Variants in ZC3H12B observed in about 807,000 individuals in gnomAD.
ZC3H12B encodes the protein zinc finger CCCH-type containing 12B.
ZC3H12B carries 7 observed loss-of-function variants against 43.9 expected under a neutral mutation model. The observed-to-expected ratio is 0.16, with a 90% CI of 0.09 to 0.30. The LOEUF (loss-of-function observed/expected upper bound fraction) is 0.30, where lower values mean the gene tolerates loss of function less well. Among genes scored for constraint, ZC3H12B ranks in the 10% least tolerant of loss-of-function variants. The probability of loss-of-function intolerance (pLI) is 1.00; values close to 1 mark genes in which losing one functional copy is unlikely to be tolerated. For synonymous variants in ZC3H12B, 222 were observed against 241.7 expected (o/e 0.92, Z 0.76); for missense variants, 475 against 670.2 (o/e 0.71, Z 3.22).
At chrX:65,225,613 GT>G in the ZC3H12B span, among the ~76,000 whole-genome samples, 1 of 112,013 alleles carries the variant, frequency 8.9e-6, no homozygotes, top group Admixed American at 9.4e-5. Context: ...AGGCAAAGAA[GT>G]TAAAAACTTT....
chrX:65,234,888 C>T, the ZC3H12B span, among the ~76,000 whole-genome samples: 1 of 111,495 alleles, frequency 9.0e-6, no homozygotes, highest in East Asian at 2.8e-4. Flanking sequence ...GTCTTGTTTC[C>T]TCCCTATGTG....
chrX:65,365,505 C>A (rs1462018368), upstream of ZC3H12B, among the ~76,000 whole-genome samples: 5 of 111,169 alleles, frequency 4.5e-5, no homozygotes, highest in African/African-American at 9.8e-5. Flanking sequence ...AGTTTAATAT[C>A]TCCCATTGTA....
the ZC3H12B span, among the ~76,000 whole-genome samples, chrX:65,166,787 G>C: frequency 8.9e-6 from 1 of 112,028 alleles, no homozygotes; most frequent in Non-Finnish European, 1.9e-5. Flanking sequence ...GCATTTCTCT[G>C]ATGGCCAGTG....
At chrX:65,467,868 G>A (rs2067846815) in intron 3 of ZC3H12B, among the ~76,000 whole-genome samples, 1 of 112,073 alleles carries the variant, frequency 8.9e-6, no homozygotes, top group Non-Finnish European at 1.9e-5. Flanking sequence ...GTCTTTGTCA[G>A]ATGAATAGTT....
chrX:65,149,764 AAATAATAATAATAATAATAAT>A, the ZC3H12B span, among the ~76,000 whole-genome samples: 74 of 85,281 alleles, frequency 8.7e-4, no homozygotes, highest in African/African-American at 2.1e-3. Flanking sequence ...ACTTAATCTC[AAATAATAATAATAATAATAAT>A]AATAATAATA....
the ZC3H12B span, among the ~76,000 whole-genome samples, chrX:65,301,719 G>A: frequency 9.0e-6 from 1 of 110,985 alleles, no homozygotes; most frequent in Non-Finnish European, 1.9e-5. Flanking sequence ...AAGGTGGGAT[G>A]GGTGGGGGAA....
At chrX:65,487,867 T>TTTTC (rs781720417), upstream of ZC3H12B, among the ~76,000 whole-genome samples, 2 of 111,612 alleles carry the variant, frequency 1.8e-5, no homozygotes, top group Non-Finnish European at 3.8e-5. Context: ...GAGCATGTGC[T>TTTTC]TTTCTTTCTT....
At chrX:65,346,479 G>T in the ZC3H12B span, among the ~76,000 whole-genome samples, 3 of 111,236 alleles carry the variant, frequency 2.7e-5, no homozygotes, top group East Asian at 8.4e-4. Context: ...AGTAACTCAA[G>T]ATGATTCAAA....
chrX:65,204,939 A>G, the ZC3H12B span, among the ~76,000 whole-genome samples: 1 of 111,722 alleles, frequency 9.0e-6, no homozygotes, highest in African/African-American at 3.2e-5. Context: ...GCAAGATCTT[A>G]TTTTTAAGAC....
At chrX:65,386,224 C>T (rs1395770068) in intron 2 of ZC3H12B, among the ~76,000 whole-genome samples, 2 of 111,663 alleles carry the variant, frequency 1.8e-5, no homozygotes, top group Non-Finnish European at 3.8e-5. Context: ...AGGAATGGTA[C>T]CAGCTCCTCT....
At chrX:65,224,314 G>T in the ZC3H12B span, among the ~76,000 whole-genome samples, 1 of 112,665 alleles carries the variant, frequency 8.9e-6, no homozygotes, top group Admixed American at 9.4e-5. Flanking sequence ...TGAAGATAGG[G>T]ATAAAAAACT....
At chrX:65,282,654 C>G in the ZC3H12B span, among the ~76,000 whole-genome samples, 53 of 110,877 alleles carry the variant, frequency 4.8e-4, no homozygotes, top group African/African-American at 1.6e-3. Flanking sequence ...ACCACCGATC[C>G]CAGAGAAATA....
chrX:65,429,571 G>A (rs924362619), intron 3 of ZC3H12B, among the ~76,000 whole-genome samples: 2 of 112,505 alleles, frequency 1.8e-5, no homozygotes, highest in African/African-American at 6.5e-5. Flanking sequence ...AGGGGGTGGG[G>A]GGCTTTCTCA....
chrX:65,267,567 C>T, the ZC3H12B span, among the ~76,000 whole-genome samples: 1 of 111,128 alleles, frequency 9.0e-6, no homozygotes, highest in African/African-American at 3.3e-5. Context: ...AAAATTAAAT[C>T]ATCTGTGCTA....
the ZC3H12B span, among the ~76,000 whole-genome samples, chrX:65,319,271 A>T: frequency 8.9e-6 from 1 of 111,914 alleles, no homozygotes; most frequent in South Asian, 3.7e-4. Flanking sequence ...AAAAATACAA[A>T]AAATTATCAG....
At chrX:65,343,909 T>A in the ZC3H12B span, among the ~76,000 whole-genome samples, 27 of 112,158 alleles carry the variant, frequency 2.4e-4, no homozygotes, top group Admixed American at 2.4e-3. Context: ...ATGATATGGT[T>A]ATACATCTAC....
intron 3 of ZC3H12B, among the ~76,000 whole-genome samples, chrX:65,446,363 G>T (rs2067376422): frequency 8.9e-6 from 1 of 111,898 alleles, no homozygotes; most frequent in South Asian, 3.7e-4. Flanking sequence ...GTGTCTTACT[G>T]GGTCACATGC....
intron 2 of ZC3H12B, among the ~76,000 whole-genome samples, chrX:65,374,976 C>T: frequency 9.0e-6 from 1 of 111,340 alleles, no homozygotes. Context: ...AACTACAATT[C>T]AAGATGAGAT....
the ZC3H12B span, among the ~76,000 whole-genome samples, chrX:65,225,746 G>A: frequency 1.4e-4 from 16 of 112,257 alleles, no homozygotes; most frequent in Non-Finnish European, 2.3e-4. Flanking sequence ...CTCAGGAGCC[G>A]ATGTGATCAA....
Sources: gnomAD v4.1 joint callset for allele counts (sites outside exome capture counted in the v4.1 genomes callset) on GRCh38, gnomAD v4.1.1 for gene constraint, MANE v1.5 for transcripts, NCBI Gene and HGNC (gene_info 2026-07-23, HGNC 2026-07-21) for gene names.